The following TXNRD1 variants were observed in gnomAD, a reference collection of about 807,000 sequenced individuals.
TXNRD1 encodes thioredoxin reductase 1, cytoplasmic.
TXNRD1 carries 57 observed loss-of-function variants against 80.3 expected under a neutral mutation model. The observed-to-expected ratio is 0.71, with a 90% CI of 0.57 to 0.89. The LOEUF is 0.89. Among genes scored for constraint, TXNRD1 ranks in the 40% least tolerant of loss-of-function variants. The pLI is 0.00. For missense variants in TXNRD1, 730 were observed against 803.0 expected, an observed-to-expected ratio of 0.91 and a Z score of 1.10; for synonymous variants, 291 against 285.2, an observed-to-expected ratio of 1.02 and a Z score of -0.20.
At chr12:104,291,511 TCTCA>T (rs2034214463) in intron 4 of TXNRD1, among the ~76,000 whole-genome samples, 1 of 122,206 alleles carries the variant, frequency 8.2e-6, no homozygotes, top group Admixed American at 9.7e-5. Context: ...TGAGAAGGAG[TCTCA>T]CTCTGTTGCC....
chr12:104,216,036 AC>A, intron 1 of TXNRD1, 143 bp downstream of exon 1: 1 of 689,894 alleles, frequency 1.4e-6, no homozygotes. Context: ...CACGCTGGAG[AC>A]CCCAGAAACG....
At chr12:104,290,757 A>G (rs1468687432) in intron 4 of TXNRD1, among the ~76,000 whole-genome samples, 4 of 112,530 alleles carry the variant, frequency 3.6e-5, no homozygotes, top group Admixed American at 1.8e-4. Flanking sequence ...ATATATATAT[A>G]TGTATATTTC....
chr12:104,333,648 A>C (rs1324991500), intron 14 of TXNRD1, among the ~76,000 whole-genome samples: 1 of 152,194 alleles, frequency 6.6e-6, no homozygotes, highest in Non-Finnish European at 1.5e-5. Flanking sequence ...GAGGAAAAAA[A>C]AAATCCATTT....
chr12:104,297,159 G>T (rs1477793705), intron 4 of TXNRD1, among the ~76,000 whole-genome samples: 4 of 151,774 alleles, frequency 2.6e-5, no homozygotes, highest in Admixed American at 1.3e-4. Flanking sequence ...CAAAAAATTA[G>T]CCGGGTGTGT....
At chr12:104,246,030 G>A (rs77532825) in intron 1 of TXNRD1, among the ~76,000 whole-genome samples, 3 of 144,624 alleles carry the variant, frequency 2.1e-5, no homozygotes, top group Middle Eastern at 4.3e-3. Context: ...GGAGAATGGC[G>A]TGAACTCGGG....
At chr12:104,289,148 C>A in intron 4 of TXNRD1, 108 bp downstream of exon 4, 1 of 1,355,476 alleles carries the variant, frequency 7.4e-7, no homozygotes, top group Non-Finnish European at 1.0e-6. Flanking sequence ...CCAAACGGGA[C>A]GCAGCGCTGG....
At chr12:104,286,789 T>C in intron 3 of TXNRD1, 1 of 1,019,824 alleles carries the variant, frequency 9.8e-7, no homozygotes, top group Non-Finnish European at 1.2e-6. Flanking sequence ...GGTTCCAGAA[T>C]TGCCTTAAAT....
chr12:104,233,982 G>C (rs953749208), intron 1 of TXNRD1, among the ~76,000 whole-genome samples: 1 of 152,150 alleles, frequency 6.6e-6, no homozygotes, highest in African/African-American at 2.4e-5. Context: ...CTTGATATTT[G>C]TGAATATGTC....
chr12:104,336,886 G>A (rs1481408895), intron 15 of TXNRD1, among the ~76,000 whole-genome samples: 1 of 152,168 alleles, frequency 6.6e-6, no homozygotes, highest in Non-Finnish European at 1.5e-5. Context: ...ACCTAGGGAA[G>A]GGCAGATCTG....
chr12:104,234,352 T>C (rs1311411154), intron 1 of TXNRD1, among the ~76,000 whole-genome samples: 1 of 152,192 alleles, frequency 6.6e-6, no homozygotes, highest in East Asian at 1.9e-4. Flanking sequence ...TGGAGTGCAG[T>C]GGCATGATCT....
rs141886258 is a variant in TXNRD1 at position 104,326,080 on chromosome 12, A to G, written c.1309-267A>G. ...CAGACTATGATGTCATTGTCTTTAAACTTGGATAGGTTTATTAAGGCATTA... is the reference window on the plus strand; with the variant it reads ...CAGACTATGATGTCATTGTCTTTAAGCTTGGATAGGTTTATTAAGGCATTA... On this transcript the variant is annotated intron_variant, in intron 11 of 16. Coordinates refer to ENST00000525566, the MANE Select transcript of TXNRD1 (RefSeq NM_001093771.3). 2.7e-4 allele frequency among the ~76,000 whole-genome samples: 41 copies of G among 152,296 alleles called. No individual in the cohort carries two copies. Among genetic ancestry groups the G allele is most frequent in the African/African-American group, 9.1e-4 (38 of 41,550 alleles).
chr12:104,305,146 G>T (rs1040912172), intron 4 of TXNRD1: 1 of 489,124 alleles, frequency 2.0e-6, no homozygotes, highest in Non-Finnish European at 3.5e-6. Context: ...GCATATTTAT[G>T]GGAACGTTTT....
chr12:104,341,685 A>G (rs942534290), intron 16 of TXNRD1, among the ~76,000 whole-genome samples: 4 of 145,946 alleles, frequency 2.7e-5, no homozygotes, highest in African/African-American at 8.4e-5. Context: ...AGAACAACCA[A>G]TTCTCCAGCT....
chr12:104,304,672 G>A, intron 4 of TXNRD1: 1 of 1,613,906 alleles, frequency 6.2e-7, no homozygotes, highest in East Asian at 2.2e-5. Context: ...TTGAGTTTGT[G>A]ATTGATCCAA....
chr12:104,250,060 G>A (rs1377799358), intron 1 of TXNRD1, among the ~76,000 whole-genome samples: 4 of 152,060 alleles, frequency 2.6e-5, no homozygotes, highest in African/African-American at 7.2e-5. Context: ...CAGTCTAGGT[G>A]TAGTGACAGT....
At chr12:104,299,387 T>C (rs2034540740) in intron 4 of TXNRD1, among the ~76,000 whole-genome samples, 1 of 151,278 alleles carries the variant, frequency 6.6e-6, no homozygotes, top group African/African-American at 2.4e-5. Flanking sequence ...AAAATACAGA[T>C]ATCTGTCTTA....
intron 4 of TXNRD1, among the ~76,000 whole-genome samples, chr12:104,306,100 C>T (rs748835690): frequency 6.6e-5 from 10 of 152,100 alleles, no homozygotes; most frequent in Non-Finnish European, 1.3e-4. Flanking sequence ...AACAGAGTTT[C>T]GCCATGGTAG....
intron 1 of TXNRD1, among the ~76,000 whole-genome samples, chr12:104,241,101 A>G (rs1189084998): frequency 2.7e-5 from 4 of 150,126 alleles, no homozygotes; most frequent in Non-Finnish European, 5.9e-5. Flanking sequence ...GTGCAGTGGC[A>G]TGGTCTCGGC....
intron 15 of TXNRD1, among the ~76,000 whole-genome samples, chr12:104,334,965 C>T (rs2036083687): frequency 6.6e-6 from 1 of 152,122 alleles, no homozygotes; most frequent in South Asian, 2.1e-4. Context: ...CAAAAAAGAA[C>T]AGGAGCAATG....
Sources: gnomAD v4.1 joint callset for allele counts (sites outside exome capture counted in the v4.1 genomes callset) on GRCh38, gnomAD v4.1.1 for gene constraint, MANE v1.5 for transcripts, NCBI Gene and HGNC (gene_info 2026-07-23, HGNC 2026-07-21) for gene names.